Variants in CPAP observed in about 807,000 individuals in gnomAD.
The protein encoded by CPAP is centrosome assembly and centriole elongation protein, also known as centrosomal P4.1-associated protein.
chr13:24,919,828 A>G, the CPAP span, among the ~76,000 whole-genome samples: 25 of 152,382 alleles, frequency 1.6e-4, no homozygotes, highest in Non-Finnish European at 2.9e-4. Flanking sequence ...CATTGGCACA[A>G]TCACGGCTCA....
the CPAP span, among the ~76,000 whole-genome samples, chr13:24,920,100 G>C: frequency 6.6e-6 from 1 of 152,122 alleles, no homozygotes; most frequent in Non-Finnish European, 1.5e-5. Flanking sequence ...ATGACAGATG[G>C]TGTCATTCTA....
At chr13:24,922,796 C>G in the CPAP span, 2 of 152,384 alleles carry the variant, frequency 1.3e-5, no homozygotes, top group African/African-American at 4.8e-5. Context: ...GCAGCACGAA[C>G]CGACACCTCA....
At chr13:24,912,756 T>C in the CPAP span, 2 of 1,614,242 alleles carry the variant, frequency 1.2e-6, no homozygotes, top group Non-Finnish European at 1.7e-6. Flanking sequence ...CAGATTTATC[T>C]GACTGTGGTT....
chr13:24,922,042 C>T, the CPAP span, among the ~76,000 whole-genome samples: 1 of 152,042 alleles, frequency 6.6e-6, no homozygotes, highest in Non-Finnish European at 1.5e-5. Context: ...CTGAAGGACA[C>T]GGGTGCACGT....
At chr13:24,902,045 AG>A in the CPAP span, among the ~76,000 whole-genome samples, 8 of 152,256 alleles carry the variant, frequency 5.3e-5, no homozygotes, top group African/African-American at 1.7e-4. Context: ...AGTAGAGCCC[AG>A]GGCTCTACTG....
chr13:24,907,911 G>T, the CPAP span: 1 of 863,736 alleles, frequency 1.2e-6, no homozygotes, highest in Non-Finnish European at 1.9e-6. Context: ...GCATAGTCAA[G>T]CAAAAACCAG....
chr13:24,892,959 T>C, the CPAP span: 6 of 934,606 alleles, frequency 6.4e-6, no homozygotes, highest in South Asian at 2.9e-5. Context: ...TGAAACAGAA[T>C]AGCCAGCAAG....
the CPAP span, among the ~76,000 whole-genome samples, chr13:24,914,054 A>G: frequency 6.6e-6 from 1 of 152,200 alleles, no homozygotes; most frequent in Non-Finnish European, 1.5e-5. Flanking sequence ...ACACACACAC[A>G]CGCACACACA....
the CPAP span, among the ~76,000 whole-genome samples, chr13:24,889,652 A>G: frequency 2.0e-5 from 3 of 152,132 alleles, no homozygotes; most frequent in Non-Finnish European, 4.4e-5. Context: ...GGTTACCTGA[A>G]CCATCTCCTC....
the CPAP span, among the ~76,000 whole-genome samples, chr13:24,887,477 A>G: frequency 1.3e-5 from 2 of 152,216 alleles, no homozygotes; most frequent in African/African-American, 4.8e-5. Context: ...CATAGGAGCA[A>G]GAACCCTATT....
the CPAP span, among the ~76,000 whole-genome samples, chr13:24,897,689 AAC>A: frequency 6.6e-6 from 1 of 152,344 alleles, no homozygotes; most frequent in Non-Finnish European, 1.5e-5. Context: ...TGTTTAAAAA[AAC>A]ATCATGAATG....
At chr13:24,912,694 C>A in the CPAP span, 2 of 1,614,054 alleles carry the variant, frequency 1.2e-6, no homozygotes, top group African/African-American at 2.7e-5. Context: ...AGCACTGTGA[C>A]ATGCCGCTAC....
At chr13:24,899,397 A>G in the CPAP span, 3 of 1,588,360 alleles carry the variant, frequency 1.9e-6, no homozygotes, top group South Asian at 2.2e-5. Flanking sequence ...TTACATGAAT[A>G]TAACATAAAG....
At chr13:24,928,723 C>A in the CPAP span, among the ~76,000 whole-genome samples, 1 of 152,174 alleles carries the variant, frequency 6.6e-6, no homozygotes, top group Admixed American at 6.5e-5. Context: ...AGCCACCACA[C>A]CTGGCCAGTA....
chr13:24,907,760 T>A, the CPAP span, among the ~76,000 whole-genome samples: 1 of 152,196 alleles, frequency 6.6e-6, no homozygotes, highest in Admixed American at 6.5e-5. Context: ...GATTTAACTA[T>A]TTGAGAGAAA....
At chr13:24,889,388 G>A in the CPAP span, 4 of 1,604,258 alleles carry the variant, frequency 2.5e-6, no homozygotes, top group South Asian at 2.2e-5. Context: ...TTTTGAAATC[G>A]AACAGATGTG....
the CPAP span, among the ~76,000 whole-genome samples, chr13:24,883,794 A>C: frequency 6.6e-6 from 1 of 152,202 alleles, no homozygotes. Flanking sequence ...AGAATGTGAA[A>C]AATAATTCAC....
the CPAP span, chr13:24,907,074 A>C: frequency 6.2e-7 from 1 of 1,609,874 alleles, no homozygotes. Flanking sequence ...TTTAATCAGA[A>C]GAGCACAATT....
At chr13:24,893,862 A>C in the CPAP span, among the ~76,000 whole-genome samples, 4 of 152,216 alleles carry the variant, frequency 2.6e-5, no homozygotes, top group African/African-American at 9.6e-5. Context: ...CCCTTATTAT[A>C]CTAAGAACAA....
Sources: gnomAD v4.1 joint callset for allele counts (sites outside exome capture counted in the v4.1 genomes callset) on GRCh38, gnomAD v4.1.1 for gene constraint, MANE v1.5 for transcripts, NCBI Gene and HGNC (gene_info 2026-07-23, HGNC 2026-07-21) for gene names.